MELK: variants seen among roughly 807,000 people sequenced by gnomAD.
MELK encodes maternal embryonic leucine zipper kinase.
Under a neutral mutation model 85.0 loss-of-function variants are expected in MELK, and 81 were observed. The observed-to-expected ratio is 0.95, with a 90% CI of 0.80 to 1.15. The LOEUF is 1.15. Among genes scored for constraint, MELK ranks in the 50% most tolerant of loss-of-function variants. The pLI, the probability that MELK is intolerant of heterozygous loss-of-function variation, is 0.00. For synonymous variants in MELK, 252 were observed against 265.0 expected (o/e 0.95, Z 0.48); for missense variants, 754 against 777.5 (o/e 0.97, Z 0.36).
intron 13 of MELK, among the ~76,000 whole-genome samples, chr9:36,665,025 C>T (rs1335964135): frequency 6.6e-6 from 1 of 152,008 alleles, no homozygotes; most frequent in African/African-American, 2.4e-5. Context: ...TGGTACATGT[C>T]AGAGGCAAGC....
intron 8 of MELK, among the ~76,000 whole-genome samples, chr9:36,612,605 G>A (rs1387509219): frequency 1.3e-5 from 2 of 152,106 alleles, no homozygotes; most frequent in African/African-American, 4.8e-5. Context: ...GGCTGGTCTC[G>A]AACTGACCTC....
In MELK at chr9:36,627,192, G is replaced by A. The variant is rs760440444; in HGVS notation, c.667-3107G>A. Among the ~76,000 whole-genome samples, 9 of 152,020 alleles carry A rather than the reference G, an allele frequency of 5.9e-5. No homozygotes were observed. The South Asian group carries it at 1.2e-3, about 21-fold the overall frequency. ...TTCTCTGTTCTTATGAACTGTCTAGGATATAATTCTTACAGAATCAGTCCA... is the reference window on the plus strand; with the variant it reads ...TTCTCTGTTCTTATGAACTGTCTAGAATATAATTCTTACAGAATCAGTCCA... On this transcript the variant is annotated intron_variant, in intron 8 of 17. Coordinates refer to ENST00000298048, the MANE Select transcript of MELK (RefSeq NM_014791.4).
At chr9:36,647,401 G>A (rs1340714090) in intron 11 of MELK, among the ~76,000 whole-genome samples, 1 of 152,116 alleles carries the variant, frequency 6.6e-6, no homozygotes, top group Non-Finnish European at 1.5e-5. Flanking sequence ...TTTGGAAAGT[G>A]GAGAGTGATT....
At chr9:36,593,696 G>T (rs1823883513) in intron 4 of MELK, among the ~76,000 whole-genome samples, 1 of 152,092 alleles carries the variant, frequency 6.6e-6, no homozygotes, top group African/African-American at 2.4e-5. Context: ...TGTTGCTGTT[G>T]TTGTTTGTTT....
intron 9 of MELK, 51 bp from the exon 10 acceptor site, chr9:36,633,051 A>G (rs376375697): frequency 1.1e-4 from 138 of 1,279,854 alleles, no homozygotes; most frequent in East Asian, 6.0e-4. Flanking sequence ...AAGGTGTTCT[A>G]TGTTCTCTAT....
chr9:36,643,074 A>T lies in MELK; in HGVS notation c.912A>T (p.Leu304Phe). ...ACAACAGGCAAACAATGGAGGATTTAATTTCACTGGTAAGAAATACAGCAT... is the reference window on the plus strand; with the variant it reads ...ACAACAGGCAAACAATGGAGGATTTTATTTCACTGGTAAGAAATACAGCAT... ...HRNNRQTMED[L>F]ISLWQYDHLT... is the part of the protein sequence containing the mutation. The change falls in exon 11 of 18, where the codon TTA becomes TTT. Residue 304 changes from leucine (L) to phenylalanine (F), a missense_variant. Transcript: ENST00000298048. 6.2e-7 allele frequency: 1 copy of T among 1,612,166 alleles called. No individual in the cohort carries two copies. Among genetic ancestry groups the T allele is most frequent in the South Asian group, 1.1e-5 (1 of 90,770 alleles).
At chr9:36,605,160 A>G (rs1825366633) in intron 7 of MELK, among the ~76,000 whole-genome samples, 1 of 151,874 alleles carries the variant, frequency 6.6e-6, no homozygotes, top group Non-Finnish European at 1.5e-5. Flanking sequence ...CAAAGTGTGG[A>G]TTACAGGCAT....
intron 11 of MELK, among the ~76,000 whole-genome samples, chr9:36,644,003 T>G (rs929769699): frequency 1.2e-4 from 18 of 152,014 alleles, no homozygotes; most frequent in African/African-American, 4.1e-4. Context: ...TAATTTTGAC[T>G]ACTTTAAAGT....
rs138012205 is a variant in MELK at position 36,660,676 on chromosome 9, G to C, written c.1176+3313G>C. Among the ~76,000 whole-genome samples the C allele has an allele frequency of 8.3e-3, 1,253 of 151,832 alleles. 23 individuals carry two copies. Among genetic ancestry groups the C allele is most frequent in the African/African-American group, 0.029 (1,182 of 41,446 alleles). ...GGGAAAAGGCTGTTCATACTGGGCA[G>C]GCTCTGAGTAAGGTCAAATAAAGAC... On this transcript the variant is annotated intron_variant, in intron 13 of 17. Transcript: ENST00000298048.
chr9:36,613,089 C>T (rs1826208761), intron 8 of MELK, among the ~76,000 whole-genome samples: 1 of 152,176 alleles, frequency 6.6e-6, no homozygotes, highest in Admixed American at 6.5e-5. Flanking sequence ...CTCCCTGCCT[C>T]ACTTGTGCCA....
chr9:36,661,358 A>G (rs1831795757), intron 13 of MELK, among the ~76,000 whole-genome samples: 1 of 152,248 alleles, frequency 6.6e-6, no homozygotes, highest in African/African-American at 2.4e-5. Flanking sequence ...ATTTGAAGGT[A>G]TAGATTTCAG....
chr9:36,671,099 A>G lies in MELK; in HGVS notation c.1607A>G (p.Lys536Arg). Residue 536 changes from lysine (K) to arginine (R), a missense_variant, in exon 16 of 18, where the codon AAG becomes AGG. Coordinates refer to ENST00000298048, the MANE Select transcript of MELK (RefSeq NM_014791.4). ...GGGAGCCTTGAAAGGGGGTTGGATA[A>G]GGTTATCACTGTGCTCACCAGGAGC... ...VFGSLERGLD[K>R]VITVLTRSKR... The G allele has an allele frequency of 6.2e-7, 1 of 1,613,032 alleles. No individual in the cohort carries two copies. The highest frequency in any genetic ancestry group is 8.5e-7 in the Non-Finnish European group (1 of 1,179,482).
intron 8 of MELK, among the ~76,000 whole-genome samples, chr9:36,614,966 C>G (rs931490335): frequency 2.4e-4 from 36 of 147,426 alleles, no homozygotes; most frequent in Admixed American, 1.1e-3. Context: ...ACCTCCCAGA[C>G]GGGGTGGTGG....
At chr9:36,592,643 T>C (rs1355211061) in intron 4 of MELK, among the ~76,000 whole-genome samples, 1 of 152,168 alleles carries the variant, frequency 6.6e-6, no homozygotes, top group African/African-American at 2.4e-5. Context: ...CTTGTTTTTT[T>C]CCCAGGTAAC....
chr9:36,604,381 C>T (rs1825268133), intron 7 of MELK, among the ~76,000 whole-genome samples: 1 of 145,152 alleles, frequency 6.9e-6, no homozygotes, highest in African/African-American at 2.6e-5. Context: ...CGGGTTCAGG[C>T]GATTCTCATT....
chr9:36,595,196 C>T lies in MELK; in HGVS notation c.405+425C>T, dbSNP rs560816063. ...CGTCGCCCAGGCTGGAGTGCAGTGGCGCGATCTCGGCTCACTGCAAGCTCC... is the reference window on the plus strand; with the variant it reads ...CGTCGCCCAGGCTGGAGTGCAGTGGTGCGATCTCGGCTCACTGCAAGCTCC... On this transcript the variant is annotated intron_variant, in intron 5 of 17. Coordinates refer to ENST00000298048, the MANE Select transcript of MELK (RefSeq NM_014791.4). Among the ~76,000 whole-genome samples, 94 of 149,562 alleles carry T rather than the reference C, an allele frequency of 6.3e-4. No individual in the cohort carries two copies. In the South Asian group the frequency reaches 0.019, roughly 30 times the overall value.
At chr9:36,590,691 T>G (rs7871675) in intron 4 of MELK, among the ~76,000 whole-genome samples, 3,002 of 152,322 alleles carry the variant, frequency 0.02, 102 homozygotes, top group African/African-American at 0.068. Context: ...ACTTGTATTA[T>G]TCAACTTCTT....
Position 36,643,032 on chromosome 9 carries a change from T to TC in MELK, c.870_871insC (p.Ser291LeufsTer21), listed in dbSNP as rs1375505990. 2.5e-6 allele frequency: 4 copies of TC among 1,612,806 alleles called. No homozygotes were observed. The African/African-American group carries it at 5.3e-5, about 22-fold the overall frequency. ...TCGATGATGATTGCGTAACAGAACT[T>TC]TCTGTACATCACAGAAACAACAGGC... On this transcript the variant is annotated frameshift_variant, in exon 11 of 18. Coordinates refer to ENST00000298048, the MANE Select transcript of MELK (RefSeq NM_014791.4). LOFTEE classifies it high-confidence loss of function.
At chr9:36,578,153 A>G (rs116125282) in intron 1 of MELK, among the ~76,000 whole-genome samples, 4,449 of 151,854 alleles carry the variant, frequency 0.029, 218 homozygotes, top group African/African-American at 0.1. Flanking sequence ...TTAGCTATCT[A>G]TGTTTTCAAC....
Sources: gnomAD v4.1 joint callset for allele counts (sites outside exome capture counted in the v4.1 genomes callset) on GRCh38, gnomAD v4.1.1 for gene constraint, MANE v1.5 for transcripts, NCBI Gene and HGNC (gene_info 2026-07-23, HGNC 2026-07-21) for gene names.